KSR2: variants seen among roughly 807,000 people sequenced by gnomAD.
KSR2 encodes kinase suppressor of ras 2.
A neutral mutation model predicts 107.8 loss-of-function variants in KSR2; 25 were observed. That is an observed-to-expected ratio of 0.23 (90% CI 0.17 to 0.32). The LOEUF is 0.32. Ranked by LOEUF, KSR2 falls within the 10% of genes least tolerant of loss-of-function variation. The probability of loss-of-function intolerance (pLI) is 1.00; values close to 1 mark genes in which losing one functional copy is unlikely to be tolerated. For synonymous variants in KSR2, 480 were observed against 507.0 expected, an observed-to-expected ratio of 0.95 and a Z score of 0.71; for missense variants, 887 against 1,268.9, an observed-to-expected ratio of 0.70 and a Z score of 4.57.
chr12:117,966,607 T>TCACA (rs1202072461), intron 1 of KSR2, among the ~76,000 whole-genome samples: 14 of 113,880 alleles, frequency 1.2e-4, no homozygotes, highest in African/African-American at 4.8e-4. Flanking sequence ...TCTCTCTCTC[T>TCACA]CTCTCACACG....
intron 5 of KSR2, among the ~76,000 whole-genome samples, chr12:117,654,615 T>C (rs769416190): frequency 2.0e-5 from 3 of 152,198 alleles, no homozygotes; most frequent in East Asian, 1.9e-4. Flanking sequence ...TGTGTGATTA[T>C]ATACTGATTT....
chr12:117,732,383 G>C (rs1887763927), intron 4 of KSR2, among the ~76,000 whole-genome samples: 1 of 152,000 alleles, frequency 6.6e-6, no homozygotes, highest in Non-Finnish European at 1.5e-5. Flanking sequence ...CTGCCTCCTG[G>C]GTTCAAGCAG....
chr12:117,823,081 C>T (rs1002940456), intron 3 of KSR2, among the ~76,000 whole-genome samples: 4 of 149,658 alleles, frequency 2.7e-5, no homozygotes, highest in Non-Finnish European at 5.9e-5. Context: ...ACAATATATG[C>T]AAAGGTCCTG....
At position 117,954,839 on chromosome 12, in the gene KSR2, A is replaced by C. The variant is rs184879247; in HGVS notation, c.180+13237T>G. 1.5e-3 allele frequency among the ~76,000 whole-genome samples: 222 copies of C among 152,142 alleles called. 1 individual carries two copies. Among genetic ancestry groups the C allele is most frequent in the African/African-American group, 5.1e-3 (213 of 41,534 alleles). ...GAGACCAGCCTGGCTAACATGGTGAAACCCCATCTCTACTAAAAATACAAA... is the reference window on the plus strand; with the variant it reads ...GAGACCAGCCTGGCTAACATGGTGACACCCCATCTCTACTAAAAATACAAA... On this transcript the variant is annotated intron_variant, in intron 1 of 19. Transcript: ENST00000339824.
At chr12:117,755,264 A>G (rs1832769275) in intron 4 of KSR2, among the ~76,000 whole-genome samples, 1 of 152,208 alleles carries the variant, frequency 6.6e-6, no homozygotes, top group African/African-American at 2.4e-5. Flanking sequence ...ACTTCACTCC[A>G]CTGCACTTTG....
intron 5 of KSR2, among the ~76,000 whole-genome samples, chr12:117,600,815 T>C (rs897888758): frequency 6.6e-6 from 1 of 152,260 alleles, no homozygotes; most frequent in Middle Eastern, 3.4e-3. Context: ...TCCCTAGATA[T>C]CACCCTGGGG....
intron 3 of KSR2, among the ~76,000 whole-genome samples, chr12:117,817,469 G>A (rs967758505): frequency 6.6e-6 from 1 of 152,060 alleles, no homozygotes; most frequent in African/African-American, 2.4e-5. Context: ...AAAAGGAAAA[G>A]GTTGGCAGGA....
chr12:117,477,386 T>C (rs1366695057), intron 16 of KSR2, among the ~76,000 whole-genome samples: 1 of 152,242 alleles, frequency 6.6e-6, no homozygotes, highest in Non-Finnish European at 1.5e-5. Context: ...GATAATCTAC[T>C]GTGTTTTTCC....
chr12:117,900,069 C>T (rs1265901075), intron 1 of KSR2, among the ~76,000 whole-genome samples: 1 of 152,210 alleles, frequency 6.6e-6, no homozygotes, highest in African/African-American at 2.4e-5. Flanking sequence ...TTGTGAGACA[C>T]TAAGCAAAGG....
chr12:117,966,611 T>TCACACACACACACA (rs1377075943), intron 1 of KSR2, among the ~76,000 whole-genome samples: 25 of 77,252 alleles, frequency 3.2e-4, no homozygotes, highest in African/African-American at 1.2e-3. Context: ...TCTCTCTCTC[T>TCACACACACACACA]CACACGCGCA....
chr12:117,945,702 A>G (rs970762051), intron 1 of KSR2, among the ~76,000 whole-genome samples: 5 of 152,108 alleles, frequency 3.3e-5, no homozygotes, highest in South Asian at 2.1e-4. Flanking sequence ...AATAATAATA[A>G]TTGAATTAAA....
At position 117,455,319 on chromosome 12, in the gene KSR2, A is replaced by G. The variant is rs1359558306; in HGVS notation, c.*11880T>C. On this transcript the variant is annotated 3_prime_UTR_variant, in exon 20 of 20. Coordinates refer to ENST00000339824, the MANE Select transcript of KSR2 (RefSeq NM_173598.6). ...TGGGGAAAGCAGGGAAAGGCAGGCAAGTGCCAGGGGGCAGGATTTTAGCCA... is the reference window on the plus strand; with the variant it reads ...TGGGGAAAGCAGGGAAAGGCAGGCAGGTGCCAGGGGGCAGGATTTTAGCCA... 1 of 152,330 alleles carries G rather than the reference A, an allele frequency of 6.6e-6. No individual in the cohort carries two copies. The highest frequency in any genetic ancestry group is 6.5e-5 in the Admixed American group (1 of 15,284). The allele number at this position is 152,330 out of a possible 1,614,324, so 9.4% of individuals were successfully genotyped here. A position where few individuals can be genotyped will look rare whatever the true frequency, so the allele number is the denominator to read the frequency against.
intron 5 of KSR2, among the ~76,000 whole-genome samples, chr12:117,655,505 T>C (rs1323631170): frequency 6.6e-6 from 1 of 152,090 alleles, no homozygotes; most frequent in Non-Finnish European, 1.5e-5. Flanking sequence ...TGGTACTCTT[T>C]CTCCCATAGC....
chr12:117,673,125 A>G (rs535201022), intron 4 of KSR2, among the ~76,000 whole-genome samples: 37 of 152,176 alleles, frequency 2.4e-4, no homozygotes, highest in Non-Finnish European at 2.6e-4. Flanking sequence ...GAGCTCAATG[A>G]CCTCAGAGTC....
chr12:117,800,056 T>A (rs1890772893), intron 3 of KSR2, among the ~76,000 whole-genome samples: 1 of 152,204 alleles, frequency 6.6e-6, no homozygotes, highest in Non-Finnish European at 1.5e-5. Flanking sequence ...CCAAATGACA[T>A]CTTCCAAGGT....
intron 3 of KSR2, among the ~76,000 whole-genome samples, chr12:117,785,979 C>T (rs760698526): frequency 9.9e-5 from 15 of 151,998 alleles, no homozygotes; most frequent in Non-Finnish European, 2.2e-4. Flanking sequence ...CTCAGCAAAC[C>T]CCACATAGGA....
intron 3 of KSR2, among the ~76,000 whole-genome samples, chr12:117,804,668 C>A (rs1181947705): frequency 6.6e-6 from 1 of 152,152 alleles, no homozygotes; most frequent in Non-Finnish European, 1.5e-5. Flanking sequence ...AAGGAACCGG[C>A]CTTCAAGATA....
intron 5 of KSR2, among the ~76,000 whole-genome samples, chr12:117,658,578 T>C (rs1223536945): frequency 6.6e-6 from 1 of 152,142 alleles, no homozygotes; most frequent in Non-Finnish European, 1.5e-5. Flanking sequence ...AAATTGGAAA[T>C]ATTTACTATC....
chr12:117,711,822 C>T (rs1459993875), intron 4 of KSR2, among the ~76,000 whole-genome samples: 1 of 152,188 alleles, frequency 6.6e-6, no homozygotes, highest in Non-Finnish European at 1.5e-5. Flanking sequence ...GAGGGCAATC[C>T]TGTGGTTAGA....
Sources: allele counts gnomAD v4.1 joint callset (sites outside exome capture counted in the v4.1 genomes callset), GRCh38; gene constraint gnomAD v4.1.1; transcripts MANE v1.5; gene names NCBI Gene and HGNC (gene_info 2026-07-23, HGNC 2026-07-21).